The following LRP1B variants were observed in gnomAD, a reference collection of about 807,000 sequenced individuals.
LRP1B encodes low-density lipoprotein receptor-related protein 1B.
A neutral mutation model predicts 556.6 loss-of-function variants in LRP1B; 217 were observed. The ratio of observed to expected loss-of-function variants is 0.39; its 90% CI spans 0.35 to 0.44. The LOEUF (loss-of-function observed/expected upper bound fraction) is 0.44, where lower values mean the gene tolerates loss of function less well. Among genes scored for constraint, LRP1B ranks in the 20% least tolerant of loss-of-function variants. The probability of loss-of-function intolerance (pLI) is 1.00; values close to 1 mark genes in which losing one functional copy is unlikely to be tolerated. For synonymous variants in LRP1B, 2,047 were observed against 1,865.8 expected (o/e 1.10, Z -2.50); for missense variants, 5,053 against 5,620.8 (o/e 0.90, Z 3.23).
intron 66 of LRP1B, among the ~76,000 whole-genome samples, chr2:140,402,700 G>A (rs1684560360): frequency 6.6e-6 from 1 of 152,094 alleles, no homozygotes; most frequent in South Asian, 2.1e-4. Context: ...GTGTCTAATT[G>A]AGAGCTACCC....
Position 140,700,356 on chromosome 2 carries a change from A to G in LRP1B, c.6693T>C (p.Tyr2231=), listed in dbSNP as rs2105420212. Residue 2231 remains tyrosine, a synonymous_variant, in exon 41 of 91, where the codon TAT becomes TAC. Coordinates refer to ENST00000389484, the MANE Select transcript of LRP1B (RefSeq NM_018557.3). ...GGTTGGTACCTTTTCTTCTTTGATTATAGTCAAAAGCCAAGGCTATGACAT... is the reference window on the plus strand; with the variant it reads ...GGTTGGTACCTTTTCTTCTTTGATTGTAGTCAAAAGCCAAGGCTATGACAT... ...FKNVIALAFD[Y]NQRRKGTNRI... 6.2e-7 allele frequency: 1 copy of G among 1,613,246 alleles called. No individual in the cohort carries two copies. Among genetic ancestry groups the G allele is most frequent in the Non-Finnish European group, 8.5e-7 (1 of 1,179,610 alleles).
At chr2:141,489,365 G>C (rs770442889) in intron 2 of LRP1B, among the ~76,000 whole-genome samples, 6 of 151,724 alleles carry the variant, frequency 4.0e-5, no homozygotes, top group Admixed American at 1.3e-4. Flanking sequence ...ATCATCTTTA[G>C]TATTTTAAGG....
At position 140,270,343 on chromosome 2, in the gene LRP1B, G is replaced by A; in HGVS notation, c.13146C>T (p.Cys4382=). Residue 4382 remains cysteine, a synonymous_variant, in exon 86 of 91, where the codon TGC becomes TGT. Coordinates refer to ENST00000389484, the MANE Select transcript of LRP1B (RefSeq NM_018557.3). ...AGCTAGAGGCAATCTTTCCATTAGT[G>A]CAGCTGCAACAACAAAGAAAAAAAG... is the stretch of plus-strand genomic sequence containing the variant. ...NKDSEDIFCN[C]TNGKIASSCQ... is the part of the protein sequence containing the mutation. 1.2e-6 allele frequency: 2 copies of A among 1,600,858 alleles called. No individual in the cohort carries two copies. Among genetic ancestry groups the A allele is most frequent in the Non-Finnish European group, 1.7e-6 (2 of 1,168,700 alleles).
intron 43 of LRP1B, among the ~76,000 whole-genome samples, chr2:140,585,209 A>AG: frequency 6.6e-6 from 1 of 152,162 alleles, no homozygotes; most frequent in African/African-American, 2.4e-5. Context: ...TCATAATTCA[A>AG]GGGGGGATTT....
chr2:140,841,784 A>G (rs1408735941), intron 29 of LRP1B, among the ~76,000 whole-genome samples: 1 of 152,176 alleles, frequency 6.6e-6, no homozygotes, highest in Non-Finnish European at 1.5e-5. Flanking sequence ...CTTAAATATA[A>G]TTGCACATTG....
intron 42 of LRP1B, among the ~76,000 whole-genome samples, 161 bp downstream of exon 42, chr2:140,601,289 A>C (rs1051535222): frequency 6.9e-6 from 1 of 144,840 alleles, no homozygotes; most frequent in African/African-American, 2.5e-5. Context: ...GATTTTTCAC[A>C]TTTATAATGC....
At chr2:141,229,495 C>G (rs2105294823) in intron 5 of LRP1B, 55 bp from the exon 6 acceptor site, 1 of 1,272,510 alleles carries the variant, frequency 7.9e-7, no homozygotes, top group Non-Finnish European at 1.1e-6. Flanking sequence ...GATTATTTTA[C>G]AGTTTTGCCC....
chr2:140,530,176 C>G (rs1690626428), intron 47 of LRP1B, among the ~76,000 whole-genome samples: 1 of 152,046 alleles, frequency 6.6e-6, no homozygotes, highest in Non-Finnish European at 1.5e-5. Context: ...ATCAAAATCT[C>G]CCTGTATATA....
At chr2:141,679,726 T>C (rs934668100) in intron 2 of LRP1B, among the ~76,000 whole-genome samples, 9 of 152,144 alleles carry the variant, frequency 5.9e-5, no homozygotes, top group Admixed American at 1.3e-4. Flanking sequence ...AATTTTGATA[T>C]ATTCATGTTT....
intron 20 of LRP1B, among the ~76,000 whole-genome samples, chr2:140,945,051 A>C (rs573664075): frequency 6.6e-6 from 1 of 152,274 alleles, no homozygotes; most frequent in Non-Finnish European, 1.5e-5. Context: ...ACTTCAGTAA[A>C]ATTTCAGGAT....
chr2:140,523,000 A>G (rs1049618940), intron 49 of LRP1B, among the ~76,000 whole-genome samples: 1 of 151,978 alleles, frequency 6.6e-6, no homozygotes, highest in Non-Finnish European at 1.5e-5. Context: ...AACTGTTCCA[A>G]ATAATTAAGG....
chr2:140,815,352 G>A, intron 31 of LRP1B, among the ~76,000 whole-genome samples: 1 of 152,024 alleles, frequency 6.6e-6, no homozygotes, highest in East Asian at 1.9e-4. Context: ...CTGTTGCCCG[G>A]CTAGAATGCA....
intron 1 of LRP1B, among the ~76,000 whole-genome samples, chr2:142,055,161 A>G (rs1253613113): frequency 6.6e-6 from 1 of 152,132 alleles, no homozygotes; most frequent in African/African-American, 2.4e-5. Context: ...AGAGGCAAAC[A>G]GAGGAGGAGG....
rs186867528 is a variant in LRP1B at position 141,143,187 on chromosome 2, C to T, written c.1013+45234G>A. 2.6e-3 allele frequency among the ~76,000 whole-genome samples: 401 copies of T among 152,224 alleles called. 2 individuals are homozygous for T. Among genetic ancestry groups the T allele is most frequent in the African/African-American group, 9.3e-3 (385 of 41,532 alleles). ...CTCGTGATCCACCCCACTCGGCCTC[C>T]CAAAGTGTTGGGATTACAGGCGTGA... On this transcript the variant is annotated intron_variant, in intron 7 of 90. Transcript: ENST00000389484.
chr2:141,196,925 A>C (rs1014913071), intron 6 of LRP1B, among the ~76,000 whole-genome samples: 9 of 152,066 alleles, frequency 5.9e-5, no homozygotes, highest in African/African-American at 2.2e-4. Flanking sequence ...TTACAATGCA[A>C]GGTATCTCAC....
chr2:141,022,090 A>C (rs1272963734), intron 11 of LRP1B, among the ~76,000 whole-genome samples: 1 of 151,780 alleles, frequency 6.6e-6, no homozygotes, highest in East Asian at 1.9e-4. Context: ...TTAACTAAAA[A>C]TAGTATATAA....
intron 23 of LRP1B, among the ~76,000 whole-genome samples, chr2:140,886,539 T>A (rs560458069): frequency 6.6e-6 from 1 of 152,238 alleles, no homozygotes; most frequent in South Asian, 2.1e-4. Context: ...TTAGGGAGTT[T>A]TTATTCCTTG....
chr2:140,327,444 T>C (rs934965825), intron 79 of LRP1B, among the ~76,000 whole-genome samples: 4 of 152,120 alleles, frequency 2.6e-5, no homozygotes, highest in Non-Finnish European at 2.9e-5. Context: ...TTCTGCTCAA[T>C]TATTAAATCG....
intron 87 of LRP1B, among the ~76,000 whole-genome samples, chr2:140,241,468 T>A (rs1225596743): frequency 1.3e-5 from 2 of 150,948 alleles, no homozygotes; most frequent in African/African-American, 2.4e-5. Flanking sequence ...AATCATTTTT[T>A]AAAAATAGAT....
Sources: gnomAD v4.1 joint callset for allele counts (sites outside exome capture counted in the v4.1 genomes callset) on GRCh38, gnomAD v4.1.1 for gene constraint, MANE v1.5 for transcripts, NCBI Gene and HGNC (gene_info 2026-07-23, HGNC 2026-07-21) for gene names.